Variants in KCNK2 observed in about 807,000 individuals in gnomAD.
KCNK2 encodes potassium two pore domain channel subfamily K member 2.
Under a neutral mutation model 40.5 loss-of-function variants are expected in KCNK2, and 21 were observed. That is an observed-to-expected ratio of 0.52 (90% CI 0.37 to 0.75). The LOEUF is 0.75. KCNK2 is among the 30% of genes least tolerant of loss of function. The probability of loss-of-function intolerance (pLI) is 0.00; values close to 1 mark genes in which losing one functional copy is unlikely to be tolerated. For synonymous variants in KCNK2, 191 were observed against 202.2 expected, an observed-to-expected ratio of 0.94 and a Z score of 0.47; for missense variants, 399 against 531.6, an observed-to-expected ratio of 0.75 and a Z score of 2.45.
chr1:215,115,736 T>TA (rs1454645707), intron 2 of KCNK2, among the ~76,000 whole-genome samples: 1 of 126,980 alleles, frequency 7.9e-6, no homozygotes, highest in African/African-American at 2.6e-5. Context: ...CTTTTTTTTT[T>TA]AAAAAAATTA....
At chr1:215,012,111 G>A (rs1571845243) in intron 1 of KCNK2, among the ~76,000 whole-genome samples, 2 of 152,098 alleles carry the variant, frequency 1.3e-5, no homozygotes, top group East Asian at 1.9e-4. Flanking sequence ...TGCTCTTAAC[G>A]TGCCCTGGAC....
chr1:215,162,874 GT>G (rs148508487), intron 3 of KCNK2, among the ~76,000 whole-genome samples: 24 of 147,554 alleles, frequency 1.6e-4, no homozygotes, highest in East Asian at 4.0e-4. Context: ...TGCCAGGTTT[GT>G]TTTTTTTTTT....
At chr1:215,058,360 C>A (rs1365991529) in intron 1 of KCNK2, among the ~76,000 whole-genome samples, 2 of 152,156 alleles carry the variant, frequency 1.3e-5, no homozygotes, top group East Asian at 1.9e-4. Flanking sequence ...AATGCAGGAC[C>A]ATTAGTTATG....
rs1438598280 is a variant in KCNK2 at position 215,082,808 on chromosome 1, G to T, written c.-578G>T. On this transcript the variant is annotated 5_prime_UTR_variant, in exon 1 of 7. Transcript: ENST00000444842. ...AGCGGAGGGCTGCAGAGCTGCGGGC[G>T]CCCGGACCGTGCCACACACCCCCCG... 6.6e-6 allele frequency among the ~76,000 whole-genome samples: 1 copy of T among 152,028 alleles called. No homozygotes were observed. Among genetic ancestry groups the T allele is most frequent in the Non-Finnish European group, 1.5e-5 (1 of 67,986 alleles).
At chr1:215,210,649 T>TAG (rs1367233801) in intron 6 of KCNK2, among the ~76,000 whole-genome samples, 2 of 152,050 alleles carry the variant, frequency 1.3e-5, no homozygotes, top group Admixed American at 1.3e-4. Context: ...TATATATATA[T>TAG]AGAGAGAGAG....
chr1:215,114,891 A>G (rs541376215), intron 2 of KCNK2, among the ~76,000 whole-genome samples: 1 of 152,132 alleles, frequency 6.6e-6, no homozygotes, highest in South Asian at 2.1e-4. Flanking sequence ...CTATCAGGAT[A>G]TTATTGGAAT....
chr1:215,044,826 T>TGTGTGTGTGTGTGCGC (rs142895602), intron 1 of KCNK2, among the ~76,000 whole-genome samples: 2 of 140,660 alleles, frequency 1.4e-5, no homozygotes, highest in South Asian at 2.3e-4. Context: ...TGTGTGTGTG[T>TGTGTGTGTGTGTGCGC]GCGCGCGCAC....
intron 2 of KCNK2, among the ~76,000 whole-genome samples, chr1:215,101,008 A>G (rs1037436146): frequency 6.6e-6 from 1 of 152,048 alleles, no homozygotes; most frequent in Non-Finnish European, 1.5e-5. Flanking sequence ...CAGATAGCAT[A>G]TTAGCTGTTA....
intron 2 of KCNK2, among the ~76,000 whole-genome samples, chr1:215,123,433 C>T (rs1253086816): frequency 1.3e-5 from 2 of 150,842 alleles, no homozygotes; most frequent in East Asian, 3.9e-4. Flanking sequence ...TCATATATCA[C>T]TGTTAAAGTA....
intron 5 of KCNK2, among the ~76,000 whole-genome samples, chr1:215,178,536 A>G (rs1034524628): frequency 9.2e-5 from 14 of 152,144 alleles, no homozygotes; most frequent in African/African-American, 2.9e-4. Context: ...TGTTTCATCA[A>G]TGCCTAATTT....
intron 3 of KCNK2, among the ~76,000 whole-genome samples, chr1:215,150,221 A>G (rs1429353560): frequency 6.6e-6 from 1 of 152,204 alleles, no homozygotes; most frequent in East Asian, 1.9e-4. Context: ...AGGTAAGAGC[A>G]GGGGGCATGG....
intron 1 of KCNK2, among the ~76,000 whole-genome samples, chr1:215,070,100 C>A (rs1440610662): frequency 1.3e-5 from 2 of 151,972 alleles, no homozygotes; most frequent in African/African-American, 4.8e-5. Flanking sequence ...ATGCTTGAGA[C>A]TGGGTAATTT....
intron 4 of KCNK2, among the ~76,000 whole-genome samples, chr1:215,171,588 C>T (rs1289213091): frequency 6.6e-6 from 1 of 151,962 alleles, no homozygotes; most frequent in Non-Finnish European, 1.5e-5. Flanking sequence ...TGTATTTGGC[C>T]TGAAATCAGT....
chr1:215,197,829 A>T (rs1399517379), intron 6 of KCNK2, among the ~76,000 whole-genome samples: 1 of 152,112 alleles, frequency 6.6e-6, no homozygotes, highest in Non-Finnish European at 1.5e-5. Flanking sequence ...GTGAAACTTC[A>T]TCTCTACTAA....
At chr1:215,233,432 T>C (rs1666752904) in intron 6 of KCNK2, among the ~76,000 whole-genome samples, 1 of 148,106 alleles carries the variant, frequency 6.8e-6, no homozygotes, top group East Asian at 2.0e-4. Flanking sequence ...ATATTTGAAG[T>C]TTCATTTCTG....
intron 6 of KCNK2, 143 bp downstream of exon 6, chr1:215,195,235 G>A: frequency 1.6e-6 from 1 of 615,354 alleles, no homozygotes. Flanking sequence ...TGCTGTATTA[G>A]GCTATGAGCA....
intron 2 of KCNK2, among the ~76,000 whole-genome samples, chr1:215,113,385 T>C (rs537845569): frequency 7.2e-5 from 11 of 152,268 alleles, no homozygotes; most frequent in African/African-American, 2.6e-4. Context: ...TTTATTATTC[T>C]TTTGGCATAT....
intron 2 of KCNK2, among the ~76,000 whole-genome samples, chr1:215,118,469 G>C (rs748159119): frequency 2.0e-5 from 3 of 152,116 alleles, no homozygotes; most frequent in Non-Finnish European, 4.4e-5. Context: ...GGTTGAAGTG[G>C]TCACATGTAG....
chr1:215,093,718 A>G (rs1288784956), intron 2 of KCNK2, among the ~76,000 whole-genome samples: 15 of 94,248 alleles, frequency 1.6e-4, no homozygotes, highest in African/African-American at 5.2e-4. Flanking sequence ...TATATATTAT[A>G]TAAAAATATA....
Sources: gnomAD v4.1 joint callset for allele counts (sites outside exome capture counted in the v4.1 genomes callset) on GRCh38, gnomAD v4.1.1 for gene constraint, MANE v1.5 for transcripts, NCBI Gene and HGNC (gene_info 2026-07-23, HGNC 2026-07-21) for gene names.